PDE4D: variants seen among roughly 807,000 people sequenced by gnomAD.
The protein encoded by PDE4D is 3',5'-cyclic-AMP phosphodiesterase 4D.
In PDE4D, 24 loss-of-function variants were observed where a neutral mutation model predicts 87.4. That is an observed-to-expected ratio of 0.27 (90% CI 0.20 to 0.39). The LOEUF (loss-of-function observed/expected upper bound fraction) is 0.39. Ranked by LOEUF, PDE4D falls within the 10% of genes least tolerant of loss-of-function variation. The pLI is 1.00. For synonymous variants in PDE4D, 384 were observed against 383.2 expected (o/e 1.00, Z -0.02); for missense variants, 714 against 1,041.0 (o/e 0.69, Z 4.32).
intron 2 of PDE4D, among the ~76,000 whole-genome samples, chr5:60,053,165 TC>T (rs1472589729): frequency 6.6e-6 from 1 of 152,202 alleles, no homozygotes; most frequent in African/African-American, 2.4e-5. Flanking sequence ...CCACTGACTT[TC>T]TTCACAGAAT....
chr5:59,114,165 A>G lies in PDE4D; in HGVS notation c.808+66430T>C, dbSNP rs1328619356. Among the ~76,000 whole-genome samples the G allele has an allele frequency of 3.3e-5, 5 of 151,486 alleles. No homozygotes were observed. The East Asian group carries it at 9.6e-4, about 29-fold the overall frequency. Reference sequence around the variant, plus strand: ...ATAATTTTGAAGTATACTTTGATGCAGAAAAATTTTTTTTTTGTTAAATGG... The same window carrying G: ...ATAATTTTGAAGTATACTTTGATGCGGAAAAATTTTTTTTTTGTTAAATGG... On this transcript the variant is annotated intron_variant, in intron 5 of 14. Transcript: ENST00000340635.
chr5:59,473,156 A>G (rs1410981236), intron 1 of PDE4D, among the ~76,000 whole-genome samples: 1 of 151,840 alleles, frequency 6.6e-6, no homozygotes, highest in African/African-American at 2.4e-5. Flanking sequence ...AATACAATAC[A>G]TACTGAAAAA....
intron 1 of PDE4D, among the ~76,000 whole-genome samples, chr5:60,335,401 G>T (rs374902255): frequency 3.3e-5 from 5 of 152,158 alleles, no homozygotes; most frequent in African/African-American, 1.2e-4. Flanking sequence ...GATTCTATCT[G>T]CCCAGATACC....
intron 3 of PDE4D, among the ~76,000 whole-genome samples, chr5:59,933,987 C>A (rs570833165): frequency 2.6e-5 from 4 of 151,804 alleles, no homozygotes; most frequent in East Asian, 2.0e-4. Flanking sequence ...TTTTCTTTTT[C>A]TTTTTATTTT....
intron 2 of PDE4D, among the ~76,000 whole-genome samples, chr5:60,149,084 T>C (rs1781270614): frequency 6.6e-6 from 1 of 152,198 alleles, no homozygotes; most frequent in South Asian, 2.1e-4. Flanking sequence ...TTGAGCCTAA[T>C]TTGATATTTT....
chr5:60,319,062 T>C (rs1384281235), intron 1 of PDE4D, among the ~76,000 whole-genome samples: 2 of 152,252 alleles, frequency 1.3e-5, no homozygotes, highest in Non-Finnish European at 2.9e-5. Context: ...TTCTCCTGGA[T>C]AATACCCTGC....
intron 3 of PDE4D, among the ~76,000 whole-genome samples, chr5:59,930,438 GT>G (rs974851223): frequency 9.2e-5 from 14 of 152,256 alleles, no homozygotes; most frequent in African/African-American, 3.4e-4. Flanking sequence ...GATGCCACAA[GT>G]TAAGGAATGC....
At chr5:59,802,393 A>ATT (rs1767237140) in intron 1 of PDE4D, among the ~76,000 whole-genome samples, 1 of 115,138 alleles carries the variant, frequency 8.7e-6, no homozygotes, top group Non-Finnish European at 1.8e-5. Context: ...TAACTTCCAT[A>ATT]TTCTTTTTTT....
chr5:59,276,137 A>G (rs533874003), intron 1 of PDE4D: 5 of 981,280 alleles, frequency 5.1e-6, no homozygotes, highest in African/African-American at 1.8e-5. Context: ...AAAAAAAAAA[A>G]AAAAAAGAAA....
At chr5:60,381,997 T>C (rs767245970) in intron 1 of PDE4D, among the ~76,000 whole-genome samples, 27 of 152,202 alleles carry the variant, frequency 1.8e-4, no homozygotes, top group Admixed American at 2.6e-4. Flanking sequence ...TAATTTTATA[T>C]ATTAAGCTAG....
At chr5:59,823,276 A>G (rs1416658819) in intron 1 of PDE4D, among the ~76,000 whole-genome samples, 3 of 152,172 alleles carry the variant, frequency 2.0e-5, no homozygotes, top group Admixed American at 2.0e-4. Context: ...TCCAATTTGT[A>G]GACTCCAGCC....
At chr5:59,689,579 T>C (rs1305649520) in intron 1 of PDE4D, among the ~76,000 whole-genome samples, 3 of 152,100 alleles carry the variant, frequency 2.0e-5, no homozygotes, top group Admixed American at 1.3e-4. Flanking sequence ...CTCAAAATAA[T>C]AAGAGCTATT....
intron 6 of PDE4D, among the ~76,000 whole-genome samples, chr5:59,011,835 T>G (rs978269615): frequency 2.0e-5 from 3 of 151,966 alleles, no homozygotes; most frequent in Non-Finnish European, 4.4e-5. Flanking sequence ...GAAGAGCAAC[T>G]CCAAGACACA....
intron 2 of PDE4D, among the ~76,000 whole-genome samples, chr5:60,010,091 TTAATGTCCTACTCCCTAAGGACA>T (rs1331439812): frequency 2.0e-5 from 3 of 152,054 alleles, no homozygotes; most frequent in Non-Finnish European, 4.4e-5. Flanking sequence ...AGAAATACAA[TTAATGTCCTACTCCCTAAGGACA>T]TAAGTGGGGA....
chr5:59,502,498 A>C (rs1355111365), intron 1 of PDE4D, among the ~76,000 whole-genome samples: 1 of 152,198 alleles, frequency 6.6e-6, no homozygotes, highest in Non-Finnish European at 1.5e-5. Flanking sequence ...CTTGGGGTGA[A>C]TACTGAAAAG....
intron 1 of PDE4D, among the ~76,000 whole-genome samples, chr5:59,692,155 T>C (rs1751056167): frequency 6.6e-6 from 1 of 152,158 alleles, no homozygotes; most frequent in South Asian, 2.1e-4. Context: ...ATATCCTTTG[T>C]TCCATTTTTG....
At chr5:60,159,824 A>G (rs1046341353) in intron 2 of PDE4D, among the ~76,000 whole-genome samples, 1 of 152,244 alleles carries the variant, frequency 6.6e-6, no homozygotes, top group African/African-American at 2.4e-5. Context: ...AGATGTCAGG[A>G]GAATTTGTTC....
chr5:59,237,673 A>C (rs1478850071), intron 1 of PDE4D, among the ~76,000 whole-genome samples: 2 of 152,168 alleles, frequency 1.3e-5, no homozygotes, highest in African/African-American at 2.4e-5. Flanking sequence ...CTATGCTTGC[A>C]TCTTGAATCT....
In PDE4D at chr5:58,975,828, A is replaced by G. The variant is rs761203027; in HGVS notation, c.1842T>C (p.Asn614=). The change falls in exon 14 of 15, where the codon AAT becomes AAC. Residue 614 remains asparagine (N), a synonymous_variant. Transcript: ENST00000340635. This position sits in a 1 kb window ranked among gnomAD's most constrained non-coding sequence, Gnocchi z 4.2. ...NYSDRIQVLQ[N]MVHCADLSNP... Reference sequence around the variant, plus strand: ...TGCTCAGATCTGCACAGTGCACCATATTCTGAAGAACCTAAAATAGATGGA... The same window carrying G: ...TGCTCAGATCTGCACAGTGCACCATGTTCTGAAGAACCTAAAATAGATGGA... 3.9e-6 allele frequency: 6 copies of G among 1,523,822 alleles called. No homozygotes were observed. Among genetic ancestry groups the G allele is most frequent in the Non-Finnish European group, 5.3e-6 (6 of 1,133,576 alleles). The allele number at this position is 1,523,822 out of a possible 1,614,324, so 94.4% of individuals were successfully genotyped here.
Sources: allele counts gnomAD v4.1 joint callset (sites outside exome capture counted in the v4.1 genomes callset), GRCh38; gene constraint gnomAD v4.1.1; non-coding constraint Gnocchi (gnomAD v3.1); transcripts MANE v1.5; gene names NCBI Gene and HGNC (gene_info 2026-07-23, HGNC 2026-07-21).